CFAP97D2: variants seen among roughly 807,000 people sequenced by gnomAD.
CFAP97D2 encodes the protein uncharacterized protein CFAP97D2.
intron 4 of CFAP97D2, among the ~76,000 whole-genome samples, chr13:114,218,271 T>C (rs2081004803): frequency 2.0e-5 from 3 of 152,196 alleles, no homozygotes; most frequent in Non-Finnish European, 4.4e-5. Context: ...GAACTCCCAT[T>C]CACAATTGCT....
At chr13:114,199,552 G>T (rs1156809382) in intron 2 of CFAP97D2, among the ~76,000 whole-genome samples, 1 of 35,460 alleles carries the variant, frequency 2.8e-5, no homozygotes, top group East Asian at 1.4e-3. Flanking sequence ...GTCCCCGTGT[G>T]TACGGTCCCC....
intron 3 of CFAP97D2, among the ~76,000 whole-genome samples, chr13:114,201,468 C>G (rs2080917746): frequency 6.6e-6 from 1 of 152,180 alleles, no homozygotes; most frequent in Non-Finnish European, 1.5e-5. Context: ...GGTGCTGCTC[C>G]AAGCTCAGGC....
chr13:114,183,621 A>G (rs74715966), intron 1 of CFAP97D2, among the ~76,000 whole-genome samples: 1,760 of 152,182 alleles, frequency 0.012, 95 homozygotes, highest in Admixed American at 0.081. Flanking sequence ...TGGTGAAAGG[A>G]ACAAAAGGGA....
chr13:114,193,474 G>T (rs1193241692), intron 1 of CFAP97D2, among the ~76,000 whole-genome samples: 1 of 152,070 alleles, frequency 6.6e-6, no homozygotes, highest in Non-Finnish European at 1.5e-5. Context: ...GGATCTTCTT[G>T]CTGTGTCCTC....
chr13:114,218,039 G>A (rs1266413207), intron 4 of CFAP97D2, among the ~76,000 whole-genome samples: 1 of 152,174 alleles, frequency 6.6e-6, no homozygotes, highest in Non-Finnish European at 1.5e-5. Flanking sequence ...AATCAGGCAG[G>A]AGAAAGAAAT....
intron 1 of CFAP97D2, among the ~76,000 whole-genome samples, chr13:114,183,715 A>G (rs1000799779): frequency 6.6e-6 from 1 of 152,146 alleles, no homozygotes; most frequent in Non-Finnish European, 1.5e-5. Context: ...TGAGGGCATT[A>G]GTCCTATTCA....
rs189121703 is a variant in CFAP97D2 at position 114,183,048 on chromosome 13, G to A, written c.90+3628G>A. On this transcript the variant is annotated intron_variant, in intron 1 of 4. Coordinates refer to ENST00000646158, the Ensembl canonical transcript of CFAP97D2. Reference sequence around the variant, plus strand: ...GTGCTACCTGGACTTCTCTTGGATGGGCTTGTTAGTAGACTGGCACTCCTG... The same window carrying A: ...GTGCTACCTGGACTTCTCTTGGATGAGCTTGTTAGTAGACTGGCACTCCTG... Among the ~76,000 whole-genome samples, 116 of 152,222 alleles carry A rather than the reference G, an allele frequency of 7.6e-4. 1 individual carries two copies. The East Asian group carries it at 0.014, about 18-fold the overall frequency.
chr13:114,204,021 T>C (rs1258663606), intron 3 of CFAP97D2, among the ~76,000 whole-genome samples: 1 of 152,222 alleles, frequency 6.6e-6, no homozygotes, highest in Non-Finnish European at 1.5e-5. Flanking sequence ...TGTGTCCTTA[T>C]TGTTGCTGGG....
intron 1 of CFAP97D2, among the ~76,000 whole-genome samples, chr13:114,191,932 G>A (rs1168105842): frequency 6.6e-6 from 1 of 152,036 alleles, no homozygotes; most frequent in East Asian, 1.9e-4. Flanking sequence ...GAAAAAACAT[G>A]GAAGAACCTT....
rs1243780085 is a variant in CFAP97D2, at chr13:114,203,458, TTGCTA to T, written c.290+3017_290+3021del. Among the ~76,000 whole-genome samples the T allele has an allele frequency of 6.6e-6, 1 of 152,250 alleles. No individual in the cohort carries two copies. Among genetic ancestry groups the T allele is most frequent in the Non-Finnish European group, 1.5e-5 (1 of 68,048 alleles). ...TCCCACGTGTATGGATTCAGAAGTC[TTGCTA>T]TATTAAGATGGCAATATACAAACTA... On this transcript the variant is annotated intron_variant, in intron 3 of 4. Coordinates refer to ENST00000646158, the Ensembl canonical transcript of CFAP97D2. This position sits in a 1 kb window ranked among gnomAD's most constrained non-coding sequence, Gnocchi z 4.3.
rs1007680293 is a variant in CFAP97D2, at chr13:114,186,999, C to T, written c.90+7579C>T. Among the ~76,000 whole-genome samples, 2 of 152,198 alleles carry T rather than the reference C, an allele frequency of 1.3e-5. No homozygotes were observed. The highest frequency in any genetic ancestry group is 2.9e-5 in the Non-Finnish European group (2 of 68,032). ...GGTTTCCAGCCAGAAAGGCAACACC[C>T]TCAAGATTCCCATAACAACACCAAT... On this transcript the variant is annotated intron_variant, in intron 1 of 4. Transcript: ENST00000646158. This position sits in a 1 kb window ranked among gnomAD's most constrained non-coding sequence, Gnocchi z 4.3.
At position 114,186,584 on chromosome 13, in the gene CFAP97D2, T is replaced by G. The variant is rs11838904; in HGVS notation, c.90+7164T>G. ...GAAAAGAGCTGAGGCTCTTGGGGGG[T>G]CCCAGACCTGGGAGCTCCCTGAGCC... On this transcript the variant is annotated intron_variant, in intron 1 of 4. Coordinates refer to ENST00000646158, the Ensembl canonical transcript of CFAP97D2. The surrounding 1 kb of genome is among the most constrained non-coding windows in gnomAD (Gnocchi z 4.3). 0.091 allele frequency among the ~76,000 whole-genome samples: 13,824 copies of G among 152,030 alleles called. 1,021 individuals are homozygous for G. The highest frequency in any genetic ancestry group is 0.2 in the African/African-American group (8,229 of 41,472).
intron 4 of CFAP97D2, among the ~76,000 whole-genome samples, chr13:114,216,025 TGA>T (rs1436911451): frequency 6.6e-6 from 1 of 152,224 alleles, no homozygotes; most frequent in East Asian, 1.9e-4. Context: ...TTTCTAGGTA[TGA>T]GAGTCAGCAC....
chr13:114,198,712 G>C (rs71217097), intron 2 of CFAP97D2, among the ~76,000 whole-genome samples: 2,332 of 48,728 alleles, frequency 0.048, 51 homozygotes, highest in East Asian at 0.081. Flanking sequence ...CCCGCTGAGG[G>C]GTGACGGCGC....
At chr13:114,202,722 G>A (rs1163499224) in intron 3 of CFAP97D2, among the ~76,000 whole-genome samples, 3 of 152,186 alleles carry the variant, frequency 2.0e-5, no homozygotes, top group Non-Finnish European at 2.9e-5. Flanking sequence ...GTGGCCCCAC[G>A]CTGGAGATGC....
chr13:114,206,819 C>G (rs1255578873), intron 3 of CFAP97D2, among the ~76,000 whole-genome samples: 3 of 152,194 alleles, frequency 2.0e-5, no homozygotes, highest in African/African-American at 7.2e-5. Flanking sequence ...AAGGAAGAAT[C>G]TCACTGCTTT....
intron 2 of CFAP97D2, among the ~76,000 whole-genome samples, chr13:114,197,614 C>T (rs925115670): frequency 5.3e-5 from 8 of 151,906 alleles, no homozygotes; most frequent in African/African-American, 1.4e-4. Flanking sequence ...TTATTCAGTG[C>T]AGTTCCAGAA....
At chr13:114,198,461 C>G (rs1041639308) in intron 2 of CFAP97D2, among the ~76,000 whole-genome samples, 1 of 152,236 alleles carries the variant, frequency 6.6e-6, no homozygotes, top group Non-Finnish European at 1.5e-5. Flanking sequence ...AATAAAATAT[C>G]TCTATCTTTC....
At chr13:114,223,064 A>G (rs2081027701), downstream of CFAP97D2, 1 of 152,244 alleles carries the variant, frequency 6.6e-6, no homozygotes, top group Non-Finnish European at 1.5e-5. Flanking sequence ...TCAGATTAAA[A>G]TTTTTGAACG....
Sources: allele counts gnomAD v4.1 joint callset (sites outside exome capture counted in the v4.1 genomes callset), GRCh38; gene constraint gnomAD v4.1.1; non-coding constraint Gnocchi (gnomAD v3.1); transcripts MANE v1.5; gene names NCBI Gene and HGNC (gene_info 2026-07-23, HGNC 2026-07-21).